GPHN: variants seen among roughly 807,000 people sequenced by gnomAD.
GPHN encodes the protein gephyrin.
In GPHN, 17 loss-of-function variants were observed where a neutral mutation model predicts 95.5. That is an observed-to-expected ratio of 0.18 (90% CI 0.12 to 0.27). GPHN has a LOEUF of 0.27. Among genes scored for constraint, GPHN ranks in the 10% least tolerant of loss-of-function variants. The pLI, the probability that GPHN is intolerant of heterozygous loss-of-function variation, is 1.00. For missense variants in GPHN, 660 were observed against 978.1 expected (o/e 0.67, Z 4.34); for synonymous variants, 320 against 322.5 (o/e 0.99, Z 0.08).
At chr14:66,839,131 A>C (rs1360715490) in intron 4 of GPHN, among the ~76,000 whole-genome samples, 3 of 152,226 alleles carry the variant, frequency 2.0e-5, no homozygotes, top group African/African-American at 7.2e-5. Flanking sequence ...GAAAGGATCC[A>C]AGTTCCTTCA....
At chr14:67,392,565 A>G in the GPHN span, 17 of 1,278,622 alleles carry the variant, frequency 1.3e-5, no homozygotes, top group Non-Finnish European at 1.9e-5. Context: ...CCCAAGCCCA[A>G]GGTCTCCTCC....
intron 9 of GPHN, among the ~76,000 whole-genome samples, chr14:67,000,744 G>C (rs577932272): frequency 6.6e-6 from 1 of 151,610 alleles, no homozygotes; most frequent in African/African-American, 2.4e-5. Context: ...AATAAAATTA[G>C]TATATATCTC....
the GPHN span, among the ~76,000 whole-genome samples, chr14:67,275,736 G>A: frequency 3.1e-4 from 47 of 152,248 alleles, no homozygotes; most frequent in Admixed American, 6.5e-4. Context: ...ATTTGGCTGC[G>A]AATCCATTTG....
At chr14:66,922,571 GC>G (rs1279266063) in intron 6 of GPHN, 94 bp from the exon 7 acceptor site, 2 of 955,500 alleles carry the variant, frequency 2.1e-6, no homozygotes, top group African/African-American at 3.3e-5. Context: ...GGAGGAAAAT[GC>G]AAATCCAAAA....
intron 2 of GPHN, among the ~76,000 whole-genome samples, chr14:66,695,300 C>A (rs968580094): frequency 2.6e-5 from 4 of 152,270 alleles, no homozygotes; most frequent in Middle Eastern, 3.4e-3. Flanking sequence ...TTTATGTCAT[C>A]ATGGAAATGC....
At chr14:67,329,654 G>A in the GPHN span, among the ~76,000 whole-genome samples, 4 of 151,856 alleles carry the variant, frequency 2.6e-5, no homozygotes, top group Admixed American at 6.6e-5. Context: ...TACGGCGGAC[G>A]CATCACTTGA....
chr14:67,058,365 T>A (rs963483340), intron 10 of GPHN, among the ~76,000 whole-genome samples: 24 of 152,234 alleles, frequency 1.6e-4, no homozygotes, highest in African/African-American at 5.5e-4. Flanking sequence ...CCTATGACAA[T>A]GTCATTAGTC....
chr14:67,730,971 A>G, the GPHN span, among the ~76,000 whole-genome samples: 2 of 152,148 alleles, frequency 1.3e-5, no homozygotes, highest in Admixed American at 1.3e-4. Flanking sequence ...ATCTCATTTT[A>G]TATTTTTAAA....
At chr14:67,391,248 A>G in the GPHN span, among the ~76,000 whole-genome samples, 1 of 151,024 alleles carries the variant, frequency 6.6e-6, no homozygotes, top group Non-Finnish European at 1.5e-5. Flanking sequence ...ATATGATAAA[A>G]TCTAAATGTG....
chr14:67,063,980 GT>G (rs1400134070), intron 11 of GPHN, among the ~76,000 whole-genome samples: 3 of 152,198 alleles, frequency 2.0e-5, no homozygotes, highest in African/African-American at 7.2e-5. Context: ...TTGAATAGGA[GT>G]GGTGAGAGAA....
At chr14:67,187,105 G>A in the GPHN span, among the ~76,000 whole-genome samples, 17 of 152,228 alleles carry the variant, frequency 1.1e-4, no homozygotes, top group African/African-American at 3.1e-4. Context: ...GAGCCAGATC[G>A]TGCTCACAAA....
chr14:67,144,264 T>TACAC (rs1415844343), intron 18 of GPHN, among the ~76,000 whole-genome samples: 1 of 83,096 alleles, frequency 1.2e-5, no homozygotes, highest in East Asian at 3.2e-4. Context: ...TATATATATA[T>TACAC]ATATATATAT....
At chr14:66,927,436 G>T (rs911750556) in intron 8 of GPHN, among the ~76,000 whole-genome samples, 1 of 151,648 alleles carries the variant, frequency 6.6e-6, no homozygotes, top group African/African-American at 2.4e-5. Flanking sequence ...TAGTTCTAAT[G>T]GTTTTTTGTT....
chr14:66,975,454 T>C (rs2070146655), intron 9 of GPHN, among the ~76,000 whole-genome samples: 1 of 152,232 alleles, frequency 6.6e-6, no homozygotes, highest in African/African-American at 2.4e-5. Context: ...CATTTGCATT[T>C]GACTGATTTA....
intron 8 of GPHN, among the ~76,000 whole-genome samples, chr14:66,961,704 A>G (rs1269679176): frequency 6.6e-6 from 1 of 151,368 alleles, no homozygotes; most frequent in Non-Finnish European, 1.5e-5. Flanking sequence ...AAATAAAACC[A>G]TAATGCAATA....
intron 2 of GPHN, among the ~76,000 whole-genome samples, chr14:66,714,623 T>C (rs2069990682): frequency 6.6e-6 from 1 of 152,228 alleles, no homozygotes; most frequent in Non-Finnish European, 1.5e-5. Flanking sequence ...TTGTCATAGA[T>C]GGCTTTTATT....
the GPHN span, chr14:67,199,810 T>C: frequency 6.6e-7 from 1 of 1,511,514 alleles, no homozygotes; most frequent in Non-Finnish European, 8.9e-7. Flanking sequence ...TGCTGCCTCC[T>C]GGAGCCCTCC....
At chr14:67,381,775 TAA>T in the GPHN span, 5 of 922,732 alleles carry the variant, frequency 5.4e-6, no homozygotes, top group East Asian at 2.5e-5. Context: ...TTTTTTTTTT[TAA>T]TCACATTTCA....
chr14:67,099,732 T>G lies in GPHN; in HGVS notation c.1238-1124T>G, dbSNP rs549078372. 2.0e-4 allele frequency among the ~76,000 whole-genome samples: 31 copies of G among 152,272 alleles called. No individual in the cohort carries two copies. The East Asian group carries it at 6.0e-3, about 29-fold the overall frequency. ...TTATAAACGGTGTTTTATATAAGCC[T>G]TTAGAAAAAAATAACACTTTATAGC... On this transcript the variant is annotated intron_variant, in intron 12 of 22. Coordinates refer to ENST00000478722, the MANE Select transcript of GPHN (RefSeq NM_020806.5).
Sources: allele counts gnomAD v4.1 joint callset (sites outside exome capture counted in the v4.1 genomes callset), GRCh38; gene constraint gnomAD v4.1.1; transcripts MANE v1.5; gene names NCBI Gene and HGNC (gene_info 2026-07-23, HGNC 2026-07-21).